The following CNTNAP2 variants were observed in gnomAD, a reference collection of about 807,000 sequenced individuals.
CNTNAP2 encodes contactin associated protein 2.
CNTNAP2 carries 98 observed loss-of-function variants against 155.2 expected under a neutral mutation model. The ratio of observed to expected loss-of-function variants is 0.63; its 90% CI spans 0.54 to 0.75. The LOEUF is 0.75. Among genes scored for constraint, CNTNAP2 ranks in the 30% least tolerant of loss-of-function variants. The pLI is 0.00. For missense variants in CNTNAP2, 1,727 were observed against 1,688.1 expected (o/e 1.02, Z -0.40); for synonymous variants, 651 against 631.2 (o/e 1.03, Z -0.47).
At chr7:146,662,632 T>C (rs1473339787) in intron 1 of CNTNAP2, among the ~76,000 whole-genome samples, 1 of 152,192 alleles carries the variant, frequency 6.6e-6, no homozygotes, top group Admixed American at 6.5e-5. Context: ...TATCAGTGTT[T>C]TTCCTGACCA....
At chr7:146,850,897 C>T (rs1394399491) in intron 3 of CNTNAP2, among the ~76,000 whole-genome samples, 1 of 152,208 alleles carries the variant, frequency 6.6e-6, no homozygotes, top group Non-Finnish European at 1.5e-5. Flanking sequence ...GTCAGCCATT[C>T]CTTTCACAGG....
At chr7:147,760,502 A>T (rs1797282468) in intron 13 of CNTNAP2, among the ~76,000 whole-genome samples, 1 of 152,240 alleles carries the variant, frequency 6.6e-6, no homozygotes, top group Non-Finnish European at 1.5e-5. Flanking sequence ...ATTTAGATTT[A>T]GGAAGATTAA....
chr7:147,338,333 T>C (rs1284716667), intron 9 of CNTNAP2, among the ~76,000 whole-genome samples: 1 of 124,594 alleles, frequency 8.0e-6, no homozygotes, highest in Non-Finnish European at 1.6e-5. Flanking sequence ...ATTTTTAGCC[T>C]AAGTATTTCT....
rs115387766 is a variant in CNTNAP2 at position 147,543,800 on chromosome 7, C to T, written c.1778-18338C>T. 6.3e-3 allele frequency among the ~76,000 whole-genome samples: 965 copies of T among 152,214 alleles called. 9 individuals carry two copies. Among genetic ancestry groups the T allele is most frequent in the African/African-American group, 0.022 (912 of 41,534 alleles). ...CCATGGCGAGCCTCAGGATTCCATA[C>T]GCTCCATTTGAAAACCCATGATTTA... On this transcript the variant is annotated intron_variant, in intron 11 of 23. Transcript: ENST00000361727.
At chr7:148,263,673 C>T (rs1796615419) in intron 20 of CNTNAP2, among the ~76,000 whole-genome samples, 1 of 150,244 alleles carries the variant, frequency 6.7e-6, no homozygotes, top group Admixed American at 6.6e-5. Flanking sequence ...GGAGGCGGAG[C>T]TTGCAGTGAA....
chr7:147,997,517 T>C (rs1037291173), intron 15 of CNTNAP2, among the ~76,000 whole-genome samples: 2 of 150,084 alleles, frequency 1.3e-5, no homozygotes, highest in Admixed American at 6.6e-5. Flanking sequence ...GATCACGCCA[T>C]TGCACTCCAG....
intron 8 of CNTNAP2, among the ~76,000 whole-genome samples, chr7:147,189,918 G>A (rs1272454055): frequency 1.3e-5 from 2 of 152,098 alleles, no homozygotes; most frequent in South Asian, 4.2e-4. Context: ...CTAATTTTTT[G>A]TATTTTTAGT....
chr7:148,317,321 C>T (rs13235939), intron 21 of CNTNAP2, among the ~76,000 whole-genome samples: 49,715 of 151,748 alleles, frequency 0.33, 8,867 homozygotes, highest in East Asian at 0.48. Context: ...TGCCATTGCA[C>T]TTCAGCCTGG....
intron 1 of CNTNAP2, among the ~76,000 whole-genome samples, chr7:146,127,130 A>C (rs1199052831): frequency 6.6e-6 from 1 of 152,204 alleles, no homozygotes; most frequent in African/African-American, 2.4e-5. Flanking sequence ...AGATCTTTGC[A>C]GTTTCTCTAA....
chr7:146,775,691 G>C (rs1282160712), intron 2 of CNTNAP2, among the ~76,000 whole-genome samples: 1 of 151,496 alleles, frequency 6.6e-6, no homozygotes, highest in African/African-American at 2.4e-5. Flanking sequence ...AATAAAGAGA[G>C]GGAGAAAAAA....
intron 3 of CNTNAP2, among the ~76,000 whole-genome samples, chr7:146,883,398 G>GT (rs1193922560): frequency 6.6e-6 from 1 of 151,854 alleles, no homozygotes; most frequent in Non-Finnish European, 1.5e-5. Flanking sequence ...CAAAAAATAC[G>GT]TTTTTTTCTA....
chr7:146,228,233 A>T (rs1336544070), intron 1 of CNTNAP2, among the ~76,000 whole-genome samples: 1 of 152,178 alleles, frequency 6.6e-6, no homozygotes, highest in African/African-American at 2.4e-5. Flanking sequence ...TAATAGTTTA[A>T]ATCTTTGTTT....
chr7:146,414,858 C>T (rs1318421386), intron 1 of CNTNAP2, among the ~76,000 whole-genome samples: 5 of 151,992 alleles, frequency 3.3e-5, no homozygotes, highest in African/African-American at 7.3e-5. Context: ...TAGAGGCGTG[C>T]ATTTAAAAGC....
At chr7:147,405,670 G>A (rs4725718) in intron 10 of CNTNAP2, among the ~76,000 whole-genome samples, 71,584 of 151,944 alleles carry the variant, frequency 0.47, 19,643 homozygotes, top group African/African-American at 0.77. Flanking sequence ...AAAAGTTTCT[G>A]GTAAAATCAA....
chr7:147,189,009 G>T (rs905611395), intron 8 of CNTNAP2, among the ~76,000 whole-genome samples: 1 of 152,232 alleles, frequency 6.6e-6, no homozygotes, highest in South Asian at 2.1e-4. Context: ...ATCCTCAGGT[G>T]AACTCATTTG....
intron 13 of CNTNAP2, among the ~76,000 whole-genome samples, chr7:147,784,800 G>T (rs1044376427): frequency 5.9e-5 from 9 of 151,666 alleles, no homozygotes; most frequent in African/African-American, 1.9e-4. Context: ...AGACAGCTGG[G>T]AGCTGGCAGC....
At chr7:146,356,649 T>C (rs1247778420) in intron 1 of CNTNAP2, among the ~76,000 whole-genome samples, 1 of 152,184 alleles carries the variant, frequency 6.6e-6, no homozygotes, top group African/African-American at 2.4e-5. Context: ...AATGGATAAA[T>C]GTGACCATTT....
intron 13 of CNTNAP2, among the ~76,000 whole-genome samples, chr7:147,841,332 C>A (rs1798727364): frequency 6.6e-6 from 1 of 152,116 alleles, no homozygotes; most frequent in Non-Finnish European, 1.5e-5. Context: ...ACAGCATTTG[C>A]CAGATCGTCT....
At position 148,410,558 on chromosome 7, in the gene CNTNAP2, C is replaced by T. The variant is rs1281775951; in HGVS notation, c.3796+1087C>T. On this transcript the variant is annotated intron_variant, in intron 23 of 23. Coordinates refer to ENST00000361727, the MANE Select transcript of CNTNAP2 (RefSeq NM_014141.6). ...CTCCAGTCTAGGTGACAGATTGAGA[C>T]CTTTCTCAAAAAAAAAAAAAAAAAA... is the stretch of plus-strand genomic sequence containing the variant. Among the ~76,000 whole-genome samples, 28 of 88,580 alleles carry T rather than the reference C, an allele frequency of 3.2e-4. No homozygotes were observed. In the Admixed American group the frequency reaches 5.3e-3, roughly 17 times the overall value. The allele number at this position is 88,580 out of a possible 152,430, so 58.1% of individuals were successfully genotyped here. A position where few individuals can be genotyped will look rare whatever the true frequency, so the allele number is the denominator to read the frequency against.
Sources: allele counts gnomAD v4.1 joint callset (sites outside exome capture counted in the v4.1 genomes callset), GRCh38; gene constraint gnomAD v4.1.1; transcripts MANE v1.5; gene names NCBI Gene and HGNC (gene_info 2026-07-23, HGNC 2026-07-21).